Variants in ANKRD29 observed in about 807,000 individuals in gnomAD.
ANKRD29 encodes the protein ankyrin repeat domain-containing protein 29.
A neutral mutation model predicts 38.0 loss-of-function variants in ANKRD29; 32 were observed. The observed-to-expected ratio is 0.84, with a 90% confidence interval of 0.64 to 1.13. The LOEUF (loss-of-function observed/expected upper bound fraction) is 1.13, where lower values mean the gene tolerates loss of function less well. Among genes scored for constraint, ANKRD29 ranks in the 50% most tolerant of loss-of-function variants. The probability of loss-of-function intolerance (pLI) is 0.00; values close to 1 mark genes in which losing one functional copy is unlikely to be tolerated. For missense variants in ANKRD29, 357 were observed against 377.9 expected (o/e 0.94, Z 0.46); for synonymous variants, 135 against 152.4 (o/e 0.89, Z 0.84).
chr18:23,604,677 C>T (rs1462520187), intron 9 of ANKRD29, among the ~76,000 whole-genome samples: 2 of 151,972 alleles, frequency 1.3e-5, no homozygotes, highest in Non-Finnish European at 2.9e-5. Flanking sequence ...ACTACAGGAA[C>T]GTGCCACCAC....
At chr18:23,649,644 C>T (rs1301354062) in intron 1 of ANKRD29, 2 of 447,132 alleles carry the variant, frequency 4.5e-6, no homozygotes, top group Admixed American at 2.5e-5. Flanking sequence ...TTTACCTGCC[C>T]GTTTCCTAAG....
In ANKRD29 at chr18:23,637,613, G is replaced by A. The variant is rs140832413; in HGVS notation, c.330+1236C>T. Among the ~76,000 whole-genome samples, 929 of 151,970 alleles carry A rather than the reference G, an allele frequency of 6.1e-3. 3 individuals carry two copies. Among genetic ancestry groups the A allele is most frequent in the Middle Eastern group, 0.017 (5 of 294 alleles). ...AGGTCTCGCTTTGTTGCCCAGGCTG[G>A]TCTTGAACTCCTGAGCTCAAACTAT... On this transcript the variant is annotated intron_variant, in intron 4 of 9. Coordinates refer to ENST00000592179, the MANE Select transcript of ANKRD29 (RefSeq NM_173505.4).
chr18:23,650,585 T>C (rs1307497529), intron 1 of ANKRD29, among the ~76,000 whole-genome samples: 1 of 152,216 alleles, frequency 6.6e-6, no homozygotes, highest in Non-Finnish European at 1.5e-5. Context: ...TATGAGTTTG[T>C]AGAGAACAGT....
At chr18:23,634,670 T>A (rs907739783) in intron 4 of ANKRD29, among the ~76,000 whole-genome samples, 1 of 152,224 alleles carries the variant, frequency 6.6e-6, no homozygotes, top group South Asian at 2.1e-4. Flanking sequence ...ATGTTGTATA[T>A]GTGGGCGGCT....
In ANKRD29 at chr18:23,607,515, G is replaced by A. The variant is rs188278589; in HGVS notation, c.822+4577C>T. Among the ~76,000 whole-genome samples, 5 of 152,302 alleles carry A rather than the reference G, an allele frequency of 3.3e-5. No individual in the cohort carries two copies. The East Asian group carries it at 7.7e-4, about 23-fold the overall frequency. On this transcript the variant is annotated intron_variant, in intron 9 of 9. Coordinates refer to ENST00000592179, the MANE Select transcript of ANKRD29 (RefSeq NM_173505.4). ...TACCTCTGTCTACCAGCCTGCCAGC[G>A]TGTTGCCTTGTGTGACCATCTCCAT...
intron 4 of ANKRD29, among the ~76,000 whole-genome samples, chr18:23,637,206 C>T (rs2060013858): frequency 6.6e-6 from 1 of 152,126 alleles, no homozygotes; most frequent in African/African-American, 2.4e-5. Flanking sequence ...GATTTAGGTT[C>T]ATAGGACTTT....
In ANKRD29 at chr18:23,619,584, C is replaced by G; in HGVS notation, c.574G>C (p.Glu192Gln). 6.3e-7 allele frequency: 1 copy of G among 1,597,550 alleles called. No individual in the cohort carries two copies. The highest frequency in any genetic ancestry group is 8.5e-7 in the Non-Finnish European group (1 of 1,179,006). Residue 192 changes from glutamate to glutamine, a missense_variant, in exon 7 of 10, where the codon GAG (glutamate) becomes CAG (glutamine). Glu to Gln is a conservative substitution (Grantham distance 29, BLOSUM62 2). Coordinates refer to ENST00000592179, the MANE Select transcript of ANKRD29 (RefSeq NM_173505.4). Reference protein sequence around the residue: ...LWIASQMGHSEVVRVMLLRGA... With the variant: ...LWIASQMGHSQVVRVMLLRGA... ...CGCAGCAGCATCACCCGCACCACCT[C>G]GCTGTGGCCCATCTGGGACGCGATC...
intron 3 of ANKRD29, among the ~76,000 whole-genome samples, chr18:23,643,359 T>G (rs916011112): frequency 3.3e-5 from 5 of 152,160 alleles, no homozygotes; most frequent in African/African-American, 4.8e-5. Flanking sequence ...CTTAGGGAAT[T>G]AATAGTTCTG....
chr18:23,642,329 C>T (rs73967128), intron 3 of ANKRD29, among the ~76,000 whole-genome samples: 4,226 of 152,096 alleles, frequency 0.028, 177 homozygotes, highest in East Asian at 0.091. Flanking sequence ...TGGGGCTCTG[C>T]GGTTCCTGGC....
At chr18:23,607,758 C>A (rs1403716314) in intron 9 of ANKRD29, among the ~76,000 whole-genome samples, 1 of 152,188 alleles carries the variant, frequency 6.6e-6, no homozygotes, top group African/African-American at 2.4e-5. Context: ...TAAAGGCTAT[C>A]TCGTTCATTA....
Position 23,649,178 on chromosome 18 carries a change from C to A in ANKRD29, c.37G>T (p.Ala13Ser), listed in dbSNP as rs750805859. Reference protein sequence around the residue: ...RMSFKKETPLANAAFWAARRG... With the variant: ...RMSFKKETPLSNAAFWAARRG... ...CTGGCTGCCCAGAATGCAGCATTGGCAAGTGGAGTTTCCTTCTGCAAGAAC... is the reference window on the plus strand; with the variant it reads ...CTGGCTGCCCAGAATGCAGCATTGGAAAGTGGAGTTTCCTTCTGCAAGAAC... Residue 13 changes from alanine to serine, a missense_variant, in exon 2 of 10, where the codon GCC (alanine) becomes TCC (serine). Ala to Ser is a moderately conservative substitution (Grantham distance 99). Coordinates refer to ENST00000592179, the MANE Select transcript of ANKRD29 (RefSeq NM_173505.4). The A allele has an allele frequency of 3.7e-6, 6 of 1,613,372 alleles. No homozygotes were observed. The highest frequency in any genetic ancestry group is 2.2e-5 in the East Asian group (1 of 44,878).
intron 1 of ANKRD29, among the ~76,000 whole-genome samples, chr18:23,657,048 C>T (rs1358468403): frequency 6.6e-6 from 1 of 152,264 alleles, no homozygotes; most frequent in Non-Finnish European, 1.5e-5. Flanking sequence ...GCCCCTCCAT[C>T]AGGGGTGCAA....
intron 8 of ANKRD29, among the ~76,000 whole-genome samples, chr18:23,616,567 C>A (rs7226533): frequency 0.039 from 4,405 of 111,718 alleles, 134 homozygotes; most frequent in South Asian, 0.16. Context: ...TATATATACA[C>A]TATATATACA....
chr18:23,619,727 C>G (rs1048709228), intron 6 of ANKRD29, 98 bp from the exon 7 acceptor site: 5 of 979,442 alleles, frequency 5.1e-6, no homozygotes, highest in African/African-American at 1.7e-5. Flanking sequence ...GCGAAAACTC[C>G]GGGAAGGCAC....
chr18:23,613,411 T>A (rs2059669420), intron 8 of ANKRD29, among the ~76,000 whole-genome samples: 1 of 151,638 alleles, frequency 6.6e-6, no homozygotes, highest in Non-Finnish European at 1.5e-5. Flanking sequence ...AGCTCAGGTG[T>A]TTTGCCCACC....
chr18:23,601,021 A>G lies in ANKRD29; in HGVS notation c.*205T>C, dbSNP rs948838442. On this transcript the variant is annotated 3_prime_UTR_variant, in exon 10 of 10. Transcript: ENST00000592179. ...AGTTACAGGACACCATGAGAAGTCC[A>G]TGGTGAAGGGGCAAGAGGGTCCCTG... 5.5e-5 allele frequency: 27 copies of G among 487,842 alleles called. No homozygotes were observed. The highest frequency in any genetic ancestry group is 4.9e-4 in the African/African-American group (25 of 51,478). The allele number at this position is 487,842 out of a possible 1,614,324, so 30.2% of individuals were successfully genotyped here. A position where few individuals can be genotyped will look rare whatever the true frequency, so the allele number is the denominator to read the frequency against.
chr18:23,630,967 C>CAAA (rs35627642), intron 5 of ANKRD29, among the ~76,000 whole-genome samples: 1 of 89,756 alleles, frequency 1.1e-5, no homozygotes, highest in Non-Finnish European at 2.1e-5. Context: ...GACCCTGTCT[C>CAAA]AAAAAAAAAA....
intron 1 of ANKRD29, among the ~76,000 whole-genome samples, chr18:23,649,975 G>A (rs1199500689): frequency 3.3e-5 from 5 of 152,132 alleles, no homozygotes; most frequent in African/African-American, 7.2e-5. Flanking sequence ...TGATCCTCCC[G>A]CCTTGGCCTC....
intron 4 of ANKRD29, 35 bp from the exon 5 acceptor site, chr18:23,634,184 G>T (rs368997600): frequency 6.4e-7 from 1 of 1,560,446 alleles, no homozygotes; most frequent in Non-Finnish European, 8.8e-7. Flanking sequence ...CATTAGAGGT[G>T]GCGCAGGCAC....
Sources: gnomAD v4.1 joint callset for allele counts (sites outside exome capture counted in the v4.1 genomes callset) on GRCh38, gnomAD v4.1.1 for gene constraint, MANE v1.5 for transcripts, NCBI Gene and HGNC (gene_info 2026-07-23, HGNC 2026-07-21) for gene names.